The following SUGCT variants were observed in gnomAD, a reference collection of about 807,000 sequenced individuals.
SUGCT encodes succinyl-CoA:glutarate-CoA transferase.
SUGCT carries 41 observed loss-of-function variants against 55.0 expected under a neutral mutation model. The ratio of observed to expected loss-of-function variants is 0.74; its 90% CI spans 0.58 to 0.97. The LOEUF (loss-of-function observed/expected upper bound fraction) is 0.97, where lower values mean the gene tolerates loss of function less well. Ranked by LOEUF, SUGCT falls within the 50% of genes least tolerant of loss-of-function variation. SUGCT has a pLI of 0.00. For synonymous variants in SUGCT, 187 were observed against 200.4 expected (o/e 0.93, Z 0.56); for missense variants, 568 against 547.8 (o/e 1.04, Z -0.37).
intron 8 of SUGCT, among the ~76,000 whole-genome samples, chr7:40,297,823 A>G (rs1053887874): frequency 6.6e-6 from 1 of 152,168 alleles, no homozygotes. Context: ...TCCTATATAC[A>G]TGAAGGATGT....
chr7:40,327,893 G>A (rs1004122327), intron 9 of SUGCT, among the ~76,000 whole-genome samples: 1 of 152,088 alleles, frequency 6.6e-6, no homozygotes, highest in African/African-American at 2.4e-5. Flanking sequence ...ATTTACCACA[G>A]CCCTTAAAAT....
At chr7:40,886,592 T>G in the SUGCT span, among the ~76,000 whole-genome samples, 2 of 152,322 alleles carry the variant, frequency 1.3e-5, no homozygotes, top group South Asian at 4.1e-4. Context: ...GAATAGTGAA[T>G]GAAGAAATAA....
chr7:40,699,230 C>T (rs1313566573), intron 12 of SUGCT, among the ~76,000 whole-genome samples: 1 of 152,074 alleles, frequency 6.6e-6, no homozygotes, highest in Non-Finnish European at 1.5e-5. Flanking sequence ...TGATGCTTGC[C>T]CTCAGTGAGG....
chr7:40,763,772 T>C (rs1335528248), intron 13 of SUGCT, among the ~76,000 whole-genome samples: 2 of 152,174 alleles, frequency 1.3e-5, no homozygotes, highest in Non-Finnish European at 2.9e-5. Flanking sequence ...TTTGTGGTCT[T>C]TGAAGCTTTG....
At chr7:41,034,361 A>G in the SUGCT span, among the ~76,000 whole-genome samples, 6 of 152,324 alleles carry the variant, frequency 3.9e-5, no homozygotes, top group East Asian at 5.8e-4. Flanking sequence ...TTGAGAACTA[A>G]CAGTTCATTA....
At chr7:40,694,544 T>C (rs976883465) in intron 12 of SUGCT, among the ~76,000 whole-genome samples, 23 of 152,250 alleles carry the variant, frequency 1.5e-4, no homozygotes, top group African/African-American at 5.5e-4. Flanking sequence ...AATAACATTT[T>C]CCACATACTA....
At chr7:40,456,616 T>G (rs1278282768) in intron 10 of SUGCT, among the ~76,000 whole-genome samples, 1 of 151,602 alleles carries the variant, frequency 6.6e-6, no homozygotes, top group Non-Finnish European at 1.5e-5. Flanking sequence ...ATCAGGGGAG[T>G]CAGTGTTGAG....
chr7:40,571,656 GA>G (rs924257201), intron 12 of SUGCT, among the ~76,000 whole-genome samples: 4 of 151,818 alleles, frequency 2.6e-5, no homozygotes, highest in African/African-American at 9.7e-5. Context: ...ACACATCAAT[GA>G]AAAAAAATTC....
chr7:40,720,680 T>C (rs1786280861), intron 12 of SUGCT, among the ~76,000 whole-genome samples: 1 of 152,240 alleles, frequency 6.6e-6, no homozygotes, highest in Non-Finnish European at 1.5e-5. Context: ...AACAGTGTTC[T>C]GTCTCTTAGA....
At chr7:40,532,679 A>G (rs556472216) in intron 12 of SUGCT, among the ~76,000 whole-genome samples, 1 of 152,182 alleles carries the variant, frequency 6.6e-6, no homozygotes, top group African/African-American at 2.4e-5. Flanking sequence ...TTAGGTTAAC[A>G]TTAGGCAAAG....
intron 6 of SUGCT, among the ~76,000 whole-genome samples, chr7:40,234,491 C>T (rs995946101): frequency 1.3e-5 from 2 of 152,156 alleles, no homozygotes; most frequent in Non-Finnish European, 2.9e-5. Context: ...TCTTTATTTG[C>T]TTCATATCCC....
At chr7:40,511,018 T>G (rs913869511) in intron 12 of SUGCT, among the ~76,000 whole-genome samples, 3 of 152,120 alleles carry the variant, frequency 2.0e-5, no homozygotes, top group Non-Finnish European at 4.4e-5. Context: ...TCTGCAAGGA[T>G]TTCATTCTAG....
At chr7:40,550,659 C>T (rs1363038746) in intron 12 of SUGCT, among the ~76,000 whole-genome samples, 1 of 152,200 alleles carries the variant, frequency 6.6e-6, no homozygotes, top group African/African-American at 2.4e-5. Context: ...ACTAAAGGTA[C>T]TAAATAATTA....
chr7:40,733,335 A>G (rs1786993110), intron 12 of SUGCT, among the ~76,000 whole-genome samples: 1 of 152,078 alleles, frequency 6.6e-6, no homozygotes, highest in Non-Finnish European at 1.5e-5. Flanking sequence ...ACCCTGCTCT[A>G]CTTATCAGTA....
chr7:40,784,702 T>C (rs912363599), intron 13 of SUGCT, among the ~76,000 whole-genome samples: 2 of 152,158 alleles, frequency 1.3e-5, no homozygotes, highest in Non-Finnish European at 2.9e-5. Context: ...TTTGACATGA[T>C]TATAGTAGAT....
rs1357821526 is a variant in SUGCT, at chr7:40,274,575, T to A, written c.639T>A (p.Tyr213Ter). The A allele has an allele frequency of 6.2e-7, 1 of 1,613,472 alleles. No individual in the cohort carries two copies. Among genetic ancestry groups the A allele is most frequent in the African/African-American group, 1.3e-5 (1 of 74,922 alleles). The change falls in exon 8 of 14, where the codon TAT becomes TAA. Residue 213 changes from tyrosine (Y) to a stop codon, truncating the protein, a stop_gained. Transcript: ENST00000335693. LOFTEE classifies it high-confidence loss of function. ...MTDLATGLYA[Y>*]GAIMAGLIQK... Reference sequence around the variant, plus strand: ...ATCTTGCCACTGGCCTGTATGCATATGGAGCTATTATGGCTGGATTGATAC... The same window carrying A: ...ATCTTGCCACTGGCCTGTATGCATAAGGAGCTATTATGGCTGGATTGATAC...
chr7:40,369,185 G>T (rs553437222), intron 9 of SUGCT, among the ~76,000 whole-genome samples: 1 of 152,106 alleles, frequency 6.6e-6, no homozygotes, highest in Non-Finnish European at 1.5e-5. Flanking sequence ...CATGCAGTGA[G>T]ATTAGCACTA....
chr7:40,613,986 T>C (rs1258361753), intron 12 of SUGCT, among the ~76,000 whole-genome samples: 1 of 152,232 alleles, frequency 6.6e-6, no homozygotes, highest in Non-Finnish European at 1.5e-5. Context: ...ATTTCTGTCA[T>C]GTTTCGAATG....
At chr7:40,908,278 G>A in the SUGCT span, among the ~76,000 whole-genome samples, 2 of 151,054 alleles carry the variant, frequency 1.3e-5, no homozygotes, top group Non-Finnish European at 2.9e-5. Flanking sequence ...AGCTACTCAG[G>A]AAGCTGAGGC....
Sources: allele counts gnomAD v4.1 joint callset (sites outside exome capture counted in the v4.1 genomes callset), GRCh38; gene constraint gnomAD v4.1.1; transcripts MANE v1.5; gene names NCBI Gene and HGNC (gene_info 2026-07-23, HGNC 2026-07-21).